ANK3: variants seen among roughly 807,000 people sequenced by gnomAD.
ANK3 encodes the protein ankyrin-3.
Under a neutral mutation model 370.9 loss-of-function variants are expected in ANK3, and 57 were observed. The ratio of observed to expected loss-of-function variants is 0.15; its 90% CI spans 0.12 to 0.19. The LOEUF (loss-of-function observed/expected upper bound fraction) is 0.19. ANK3 is among the 10% of genes least tolerant of loss of function. The pLI is 1.00. For missense variants in ANK3, 4,439 were observed against 5,302.1 expected (o/e 0.84, Z 5.06); for synonymous variants, 1,929 against 1,946.3 (o/e 0.99, Z 0.23).
At chr10:60,377,201 G>A (rs2060904811) in intron 1 of ANK3, among the ~76,000 whole-genome samples, 1 of 152,220 alleles carries the variant, frequency 6.6e-6, no homozygotes, top group Admixed American at 6.5e-5. Flanking sequence ...GCAGGGAACA[G>A]TGTGGGGATT....
chr10:60,502,595 G>A (rs10047325), intron 2 of ANK3, among the ~76,000 whole-genome samples: 2,199 of 152,148 alleles, frequency 0.014, 26 homozygotes, highest in African/African-American at 0.032. Context: ...CAGGAAGCCC[G>A]CCTGAGGCCA....
intron 2 of ANK3, among the ~76,000 whole-genome samples, chr10:60,549,140 TACACACAC>T (rs3047236): frequency 0.012 from 1,743 of 145,626 alleles, 16 homozygotes; most frequent in Non-Finnish European, 0.015. Flanking sequence ...GCATGTTTCA[TACACACAC>T]ACACACACAC....
intron 4 of ANK3, among the ~76,000 whole-genome samples, chr10:60,276,282 T>C (rs755724276): frequency 9.2e-5 from 14 of 152,346 alleles, no homozygotes; most frequent in Non-Finnish European, 1.9e-4. Context: ...TAAAATTTCA[T>C]GTCAACAGAG....
At chr10:60,293,494 T>A (rs2041897248) in intron 1 of ANK3, among the ~76,000 whole-genome samples, 1 of 152,162 alleles carries the variant, frequency 6.6e-6, no homozygotes, top group Non-Finnish European at 1.5e-5. Context: ...ATCATCTCTA[T>A]CAAATAGATA....
intron 1 of ANK3, among the ~76,000 whole-genome samples, chr10:60,717,387 A>G (rs2079805494): frequency 6.6e-6 from 1 of 152,230 alleles, no homozygotes; most frequent in African/African-American, 2.4e-5. Context: ...GGGCAATGGC[A>G]GAGTCTAGTG....
At position 60,226,554 on chromosome 10, in the gene ANK3, AGTATATATACATAGTATAT is replaced by A. The variant is rs1409616260; in HGVS notation, c.897+8115_897+8133del. Among the ~76,000 whole-genome samples the A allele has an allele frequency of 1.5e-3, 31 of 21,208 alleles. No individual in the cohort carries two copies. In the East Asian group the frequency reaches 0.027, roughly 19 times the overall value. The allele number at this position is 21,208 out of a possible 152,430, so 13.9% of individuals were successfully genotyped here. On this transcript the variant is annotated intron_variant, in intron 8 of 43. Coordinates refer to ENST00000280772, the MANE Select transcript of ANK3 (RefSeq NM_020987.5). ...TATATATACATAGTATATATACTAT[AGTATATATACATAGTATAT>A]GTATATATACTATGTATATATACTA...
chr10:60,623,830 TA>T (rs1223239345), intron 1 of ANK3, among the ~76,000 whole-genome samples: 2 of 152,180 alleles, frequency 1.3e-5, no homozygotes, highest in Non-Finnish European at 2.9e-5. Context: ...TCTTTGGGGC[TA>T]TAGGCCACCT....
intron 11 of ANK3, among the ~76,000 whole-genome samples, chr10:60,204,539 T>C (rs1264014646): frequency 6.6e-6 from 1 of 152,218 alleles, no homozygotes; most frequent in Non-Finnish European, 1.5e-5. Flanking sequence ...AGTGTAAATC[T>C]AGGCAAATAT....
intron 1 of ANK3, among the ~76,000 whole-genome samples, chr10:60,732,641 G>A (rs928134959): frequency 3.9e-5 from 6 of 151,934 alleles, no homozygotes; most frequent in African/African-American, 1.5e-4. Flanking sequence ...TATGAAGTAT[G>A]TTCTATACTT....
At chr10:60,035,497 C>T (rs2074743461) in intron 43 of ANK3, among the ~76,000 whole-genome samples, 1 of 151,812 alleles carries the variant, frequency 6.6e-6, no homozygotes, top group African/African-American at 2.4e-5. Flanking sequence ...AGGTGATCCA[C>T]CTGCCTTGGC....
chr10:60,696,751 T>C (rs1447726379), intron 1 of ANK3, among the ~76,000 whole-genome samples: 2,677 of 142,508 alleles, frequency 0.019, 16 homozygotes, highest in Middle Eastern at 0.05. Context: ...TGGGACGTAT[T>C]TCAAAATAAT....
intron 7 of ANK3, among the ~76,000 whole-genome samples, chr10:60,252,108 C>T (rs143344999): frequency 2.0e-5 from 3 of 152,304 alleles, no homozygotes; most frequent in South Asian, 2.1e-4. Context: ...AATAAATGAT[C>T]GTGCCTGTGT....
intron 2 of ANK3, among the ~76,000 whole-genome samples, chr10:60,506,350 T>C (rs2075940906): frequency 1.3e-5 from 2 of 152,108 alleles, no homozygotes; most frequent in South Asian, 4.1e-4. Context: ...AAAGTGACTC[T>C]AGAAAGCTTA....
rs747122745 is a variant in ANK3, at chr10:60,173,152, T to C, written c.2219A>G (p.Tyr740Cys). ...GYTPLHVGCH[Y>C]GNIKIVNFLL... ...GAAATTAACAATCTTGATATTTCCA[T>C]AGTGGCAGCCCACATGCAGTGGTGT... is the stretch of plus-strand genomic sequence containing the variant. The change falls in exon 19 of 44, where the codon TAT becomes TGT. Residue 740 changes from tyrosine to cysteine, a missense_variant. Physicochemically the swap from Tyr to Cys is radical, Grantham distance 194. Around this residue, in one of 13 missense-constraint regions of ANK3, gnomAD observed 702 missense variants for 941.5 expected, o/e 0.75. Transcript: ENST00000280772. 9 of 1,613,986 alleles carry C rather than the reference T, an allele frequency of 5.6e-6. No individual in the cohort carries two copies. Among genetic ancestry groups the C allele is most frequent in the Non-Finnish European group, 7.6e-6 (9 of 1,179,974 alleles).
chr10:60,441,832 C>T (rs996475753), intron 2 of ANK3, among the ~76,000 whole-genome samples: 12 of 152,094 alleles, frequency 7.9e-5, no homozygotes, highest in Admixed American at 5.9e-4. Flanking sequence ...TTAACTTTCT[C>T]TGCCATATAA....
At chr10:60,304,515 C>T (rs1030760020) in intron 1 of ANK3, among the ~76,000 whole-genome samples, 1 of 151,816 alleles carries the variant, frequency 6.6e-6, no homozygotes, top group African/African-American at 2.4e-5. Flanking sequence ...TGGTGGCGCG[C>T]ACTTGTAATC....
intron 1 of ANK3, among the ~76,000 whole-genome samples, chr10:60,286,527 C>T (rs2040066920): frequency 6.6e-6 from 1 of 152,110 alleles, no homozygotes; most frequent in Non-Finnish European, 1.5e-5. Flanking sequence ...TTTGGACCCT[C>T]TATGAAAGAT....
At chr10:60,180,602 A>AAAAAAAAC in intron 18 of ANK3, among the ~76,000 whole-genome samples, 1 of 131,404 alleles carries the variant, frequency 7.6e-6, no homozygotes, top group Non-Finnish European at 1.6e-5. Context: ...CTCAAAAAAA[A>AAAAAAAAC]AAAAAAAAAA....
chr10:60,075,217 C>T lies in ANK3; in HGVS notation c.5664G>A (p.Lys1888=), dbSNP rs892862545. Residue 1888 remains lysine (K), a synonymous_variant, in exon 37 of 44, where the codon AAG becomes AAA. Transcript: ENST00000280772. ...SSLFLAPSAL[K]LSTPSSLSSS... Reference sequence around the variant, plus strand: ...AAGATAAAGAAGATGGTGTAGACAACTTAAGGGCAGAGGGTGCAAGGAACA... The same window carrying T: ...AAGATAAAGAAGATGGTGTAGACAATTTAAGGGCAGAGGGTGCAAGGAACA... The T allele has an allele frequency of 1.2e-6, 2 of 1,614,104 alleles. No individual in the cohort carries two copies. Among genetic ancestry groups the T allele is most frequent in the Non-Finnish European group, 1.7e-6 (2 of 1,180,000 alleles).
Sources: gnomAD v4.1 joint callset for allele counts (sites outside exome capture counted in the v4.1 genomes callset) on GRCh38, gnomAD v4.1.1 for gene constraint, gnomAD v4.1.1 regional missense constraint, MANE v1.5 for transcripts, NCBI Gene and HGNC (gene_info 2026-07-23, HGNC 2026-07-21) for gene names.